PCDHA7: variants seen among roughly 807,000 people sequenced by gnomAD.
The protein encoded by PCDHA7 is protocadherin alpha 7, also known as protocadherin alpha-7.
PCDHA7 carries 37 observed loss-of-function variants against 57.2 expected under a neutral mutation model. The observed-to-expected ratio is 0.65, with a 90% CI of 0.50 to 0.85. The LOEUF (loss-of-function observed/expected upper bound fraction) is 0.85, where lower values mean the gene tolerates loss of function less well. Ranked by LOEUF, PCDHA7 falls within the 40% of genes least tolerant of loss-of-function variation. PCDHA7 has a pLI of 0.00. For missense variants in PCDHA7, 1,188 were observed against 1,241.8 expected (o/e 0.96, Z 0.65); for synonymous variants, 553 against 558.8 (o/e 0.99, Z 0.15).
chr5:140,848,963 C>G (rs376979276), intron 1 of PCDHA7: 3 of 1,606,264 alleles, frequency 1.9e-6, no homozygotes, highest in Non-Finnish European at 1.7e-6. Flanking sequence ...CACTAGAGGG[C>G]GCGTCCGATG....
intron 1 of PCDHA7, among the ~76,000 whole-genome samples, chr5:140,943,180 C>T (rs2093431387): frequency 6.7e-6 from 1 of 149,602 alleles, no homozygotes; most frequent in South Asian, 2.1e-4. Context: ...ATCGCTTGAA[C>T]CCTGGAGGTG....
rs781941183 is a variant in PCDHA7, at chr5:140,884,613, C to T, written c.2355+47875C>T. On this transcript the variant is annotated intron_variant, in intron 1 of 3. Transcript: ENST00000525929. ...CCCAGCCTTCCTCCTTGTCTGGGTT[C>T]TGCAGAGGGAACAGGCCAGAGGGAG... 3 of 1,614,086 alleles carry T rather than the reference C, an allele frequency of 1.9e-6. No individual in the cohort carries two copies. The South Asian group carries it at 3.3e-5, about 18-fold the overall frequency.
chr5:140,873,431 A>G (rs1395359965), intron 1 of PCDHA7, among the ~76,000 whole-genome samples: 1 of 152,228 alleles, frequency 6.6e-6, no homozygotes, highest in African/African-American at 2.4e-5. Context: ...ATTATTTTAT[A>G]TCACATAAAT....
intron 1 of PCDHA7, among the ~76,000 whole-genome samples, chr5:140,962,126 C>T (rs1429316991): frequency 6.6e-6 from 1 of 152,094 alleles, no homozygotes; most frequent in African/African-American, 2.4e-5. Flanking sequence ...ACCTTGGCCT[C>T]GGCCTCCCAA....
intron 3 of PCDHA7, among the ~76,000 whole-genome samples, chr5:141,008,500 A>C (rs2098379990): frequency 6.6e-6 from 1 of 152,072 alleles, no homozygotes; most frequent in African/African-American, 2.4e-5. Context: ...GGTATACTTT[A>C]TGGTGTGTCT....
At chr5:140,979,043 C>A (rs782371496) in intron 2 of PCDHA7, 36 bp downstream of exon 2, 2 of 1,612,500 alleles carry the variant, frequency 1.2e-6, no homozygotes, top group Non-Finnish European at 1.7e-6. Context: ...CAGAAGTAAC[C>A]TTAACTTGGT....
intron 1 of PCDHA7, among the ~76,000 whole-genome samples, chr5:140,934,548 ATT>A (rs1290393008): frequency 1.3e-5 from 2 of 152,018 alleles, no homozygotes; most frequent in African/African-American, 2.4e-5. Context: ...TAATTCTATC[ATT>A]TCTTCTTTTT....
intron 1 of PCDHA7, among the ~76,000 whole-genome samples, chr5:140,838,465 G>A (rs2150289801): frequency 3.4e-4 from 52 of 151,444 alleles, no homozygotes; most frequent in Admixed American, 3.3e-3. Flanking sequence ...TTTCATTAGC[G>A]CTTATTCCTT....
intron 1 of PCDHA7, among the ~76,000 whole-genome samples, chr5:140,932,720 G>A (rs868927369): frequency 6.6e-5 from 10 of 151,848 alleles, no homozygotes; most frequent in Non-Finnish European, 1.5e-5. Flanking sequence ...CAATAATATT[G>A]TATAATATAG....
At chr5:140,872,547 A>G (rs1438827788) in intron 1 of PCDHA7, among the ~76,000 whole-genome samples, 1 of 152,128 alleles carries the variant, frequency 6.6e-6, no homozygotes, top group Non-Finnish European at 1.5e-5. Context: ...GGATCCCCTG[A>G]ACCCAGGGGT....
At chr5:140,841,187 C>T in intron 1 of PCDHA7, 1 of 1,214,566 alleles carries the variant, frequency 8.2e-7, no homozygotes, top group South Asian at 1.6e-5. Context: ...TGTTCAAAGT[C>T]TTTTCTCTGA....
At chr5:140,864,370 C>T (rs185774022) in intron 1 of PCDHA7, 45 of 152,264 alleles carry the variant, frequency 3.0e-4, no homozygotes, top group African/African-American at 8.2e-4. Flanking sequence ...TTTCTATAAT[C>T]GATAAGTTTA....
chr5:140,841,146 C>T, intron 1 of PCDHA7: 1 of 755,204 alleles, frequency 1.3e-6, no homozygotes, highest in Non-Finnish European at 2.1e-6. Flanking sequence ...CACATGATGT[C>T]GCTGTCTACC....
chr5:140,876,674 A>T (rs782568001), intron 1 of PCDHA7: 38 of 1,614,024 alleles, frequency 2.4e-5, no homozygotes, highest in Non-Finnish European at 3.1e-5. Flanking sequence ...GTGTCCACCT[A>T]CAAGAATTAC....
rs782354826 is a variant in PCDHA7, at chr5:140,856,955, G to A, written c.2355+20217G>A. 3 of 1,593,892 alleles carry A rather than the reference G, an allele frequency of 1.9e-6. No individual in the cohort carries two copies. The Admixed American group carries it at 5.1e-5, about 27-fold the overall frequency. On this transcript the variant is annotated intron_variant, in intron 1 of 3. Coordinates refer to ENST00000525929, the MANE Select transcript of PCDHA7 (RefSeq NM_018910.3). Reference sequence around the variant, plus strand: ...AAACGAAAGGACGGGAGAAATAAAAGTAAATGATGCTATTGACTTTGAGGA... The same window carrying A: ...AAACGAAAGGACGGGAGAAATAAAAATAAATGATGCTATTGACTTTGAGGA...
rs2150238034 is a variant in PCDHA7, at chr5:140,835,552, C to T, written c.1169C>T (p.Thr390Met). 8 of 1,613,942 alleles carry T rather than the reference C, an allele frequency of 5.0e-6. No individual in the cohort carries two copies. The highest frequency in any genetic ancestry group is 2.2e-5 in the East Asian group (1 of 44,832). Residue 390 changes from threonine to methionine, a missense_variant, in exon 1 of 4, where the codon ACG becomes ATG. Around this residue, in one of 3 missense-constraint regions of PCDHA7, gnomAD observed 892 missense variants for 788.5 expected, o/e 1.13. Transcript: ENST00000525929. The part of the protein sequence containing the change: ...GVNGQVTCSL[T>M]PRVPFKLVST... ...AACGGACAGGTTACCTGCTCCCTGACGCCCCGCGTTCCCTTCAAGTTGGTG... is the reference window on the plus strand; with the variant it reads ...AACGGACAGGTTACCTGCTCCCTGATGCCCCGCGTTCCCTTCAAGTTGGTG...
chr5:141,009,772 C>T lies in PCDHA7; in HGVS notation c.2649C>T (p.Ile883=). The T allele has an allele frequency of 1.9e-6, 3 of 1,614,158 alleles. No individual in the cohort carries two copies. Among genetic ancestry groups the T allele is most frequent in the Non-Finnish European group, 2.5e-6 (3 of 1,180,032 alleles). The stretch of plus-strand genomic sequence containing the variant: ...TCATTATCCCAGGATCTCCTGCAAT[C>T]ATCTCCATCCGGCAGGAGCCTACTA... ...DKFIIPGSPA[I]ISIRQEPTNS... Residue 883 remains isoleucine (I), a synonymous_variant, in exon 4 of 4, where the codon ATC becomes ATT. Coordinates refer to ENST00000525929, the MANE Select transcript of PCDHA7 (RefSeq NM_018910.3).
rs556783584 is a variant in PCDHA7 at position 140,882,446 on chromosome 5, G to A, written c.2355+45708G>A. ...CCTGGGGCTGGAGCTGGCGGAGCTG[G>A]TGCCGCGCCTGTTCCGGGTGGCGTC... On this transcript the variant is annotated intron_variant, in intron 1 of 3. Coordinates refer to ENST00000525929, the MANE Select transcript of PCDHA7 (RefSeq NM_018910.3). 1.9e-5 allele frequency: 30 copies of A among 1,614,042 alleles called. No individual in the cohort carries two copies. The highest frequency in any genetic ancestry group is 1.0e-4 in the Admixed American group (6 of 60,036).
chr5:140,850,213 C>G (rs2041430498), intron 1 of PCDHA7: 1 of 1,593,510 alleles, frequency 6.3e-7, no homozygotes, highest in Admixed American at 1.7e-5. Flanking sequence ...ATGAGGGGCA[C>G]TGACGGCGCA....
Sources: allele counts gnomAD v4.1 joint callset (sites outside exome capture counted in the v4.1 genomes callset), GRCh38; gene constraint gnomAD v4.1.1; regional missense constraint gnomAD v4.1.1; transcripts MANE v1.5; gene names NCBI Gene and HGNC (gene_info 2026-07-23, HGNC 2026-07-21).